The following PCLO variants were observed in gnomAD, a reference collection of about 807,000 sequenced individuals.
PCLO encodes the protein piccolo presynaptic cytomatrix protein, also known as protein piccolo.
In PCLO, 82 loss-of-function variants were observed where a neutral mutation model predicts 427.5. The observed-to-expected ratio is 0.19, with a 90% CI of 0.16 to 0.23. The LOEUF (loss-of-function observed/expected upper bound fraction) is 0.23, where lower values mean the gene tolerates loss of function less well. PCLO is among the 10% of genes least tolerant of loss of function. The pLI, the probability that PCLO is intolerant of heterozygous loss-of-function variation, is 1.00. For missense variants in PCLO, 6,239 were observed against 6,115.9 expected (o/e 1.02, Z -0.67); for synonymous variants, 2,357 against 2,155.4 (o/e 1.09, Z -2.59).
chr7:82,964,763 C>T (rs778662774), intron 4 of PCLO, among the ~76,000 whole-genome samples: 46 of 152,088 alleles, frequency 3.0e-4, no homozygotes, highest in Non-Finnish European at 4.9e-4. Context: ...TATATATAGG[C>T]ATCTTTTTGA....
chr7:82,960,389 C>T (rs1460261288), intron 4 of PCLO, among the ~76,000 whole-genome samples: 1 of 152,074 alleles, frequency 6.6e-6, no homozygotes, highest in Non-Finnish European at 1.5e-5. Context: ...TATTTTTCAT[C>T]GTTTCTGATT....
chr7:83,134,427 T>G lies in PCLO; in HGVS notation c.3123A>C (p.Gln1041His). 6.2e-7 allele frequency: 1 copy of G among 1,613,884 alleles called. No individual in the cohort carries two copies. The highest frequency in any genetic ancestry group is 8.5e-7 in the Non-Finnish European group (1 of 1,179,854). ...CCAGTTTTGTGGGAAGGACAGCCTT[T>G]TGAGGCTCAGCTGTTAAAGATTTGC... ...KDSKSLTAEP[Q>H]KAVLPTKLEK... The change falls in exon 3 of 25, where the codon CAA (glutamine) becomes CAC (histidine). Residue 1041 changes from glutamine to histidine, a missense_variant. Transcript: ENST00000333891.
intron 3 of PCLO, among the ~76,000 whole-genome samples, chr7:83,085,562 C>T (rs912905547): frequency 2.0e-5 from 3 of 152,004 alleles, no homozygotes; most frequent in African/African-American, 7.2e-5. Context: ...ATTTTGTGTT[C>T]GTATTTCGGA....
chr7:82,988,143 T>C (rs11768755), intron 3 of PCLO, among the ~76,000 whole-genome samples: 114,264 of 151,912 alleles, frequency 0.75, 43,538 homozygotes, highest in East Asian at 0.92. Flanking sequence ...GCTTCTGAAG[T>C]AGATGGGACT....
intron 2 of PCLO, among the ~76,000 whole-genome samples, chr7:83,148,491 G>C (rs540807077): frequency 1.5e-4 from 23 of 152,216 alleles, no homozygotes; most frequent in African/African-American, 5.1e-4. Context: ...CCTGAAGTAT[G>C]GTAGATGTTA....
intron 3 of PCLO, among the ~76,000 whole-genome samples, chr7:83,112,320 T>C (rs1178657123): frequency 1.3e-5 from 2 of 152,130 alleles, no homozygotes; most frequent in Non-Finnish European, 2.9e-5. Context: ...TCTCCCAAAG[T>C]GTTGGGATTA....
rs1795521241 is a variant in PCLO, at chr7:82,956,406, C to T, written c.4547G>A (p.Ser1516Asn). ...AACAGGTGAGTTTTCACTTTCACTACTCTCTTCAACTGAATCATAAGGCTC... is the reference window on the plus strand; with the variant it reads ...AACAGGTGAGTTTTCACTTTCACTATTCTCTTCAACTGAATCATAAGGCTC... ...RREPYDSVEE[S>N]SESENSPVPQ... Residue 1516 changes from serine (S) to asparagine (N), a missense_variant, in exon 5 of 25, where the codon AGT becomes AAT. Transcript: ENST00000333891. The T allele has an allele frequency of 2.5e-6, 4 of 1,613,576 alleles. No individual in the cohort carries two copies. The highest frequency in any genetic ancestry group is 1.3e-5 in the African/African-American group (1 of 74,920).
Position 82,879,362 on chromosome 7 carries a change from C to G in PCLO, c.13629G>C (p.Ala4543=). 2 of 1,612,250 alleles carry G rather than the reference C, an allele frequency of 1.2e-6. No individual in the cohort carries two copies. Among genetic ancestry groups the G allele is most frequent in the Non-Finnish European group, 8.5e-7 (1 of 1,178,898 alleles). Residue 4543 remains alanine (A), a synonymous_variant, in exon 10 of 25, where the codon GCG becomes GCC. Coordinates refer to ENST00000333891, the MANE Select transcript of PCLO (RefSeq NM_033026.6). ...YIAKILPGGS[A]EQTGKLMEGM... is the part of the protein sequence containing the mutation. ...CTTCCATAAGCTTCCCCGTCTGTTC[C>G]GCACTTCCCCCAGGAAGAATCTTGG...
At chr7:83,077,193 A>C (rs1436441846) in intron 3 of PCLO, among the ~76,000 whole-genome samples, 12 of 152,146 alleles carry the variant, frequency 7.9e-5, no homozygotes, top group Non-Finnish European at 5.9e-5. Context: ...TTGCTACCTC[A>C]TGAAAGAGTC....
At chr7:82,933,422 AGGAATT>A (rs1794883043) in intron 6 of PCLO, among the ~76,000 whole-genome samples, 1 of 151,986 alleles carries the variant, frequency 6.6e-6, no homozygotes, top group Admixed American at 6.6e-5. Context: ...CAGAAAAAAT[AGGAATT>A]TGAGAAAACA....
At chr7:82,957,476 G>C (rs1427646661) in intron 4 of PCLO, among the ~76,000 whole-genome samples, 3 of 152,008 alleles carry the variant, frequency 2.0e-5, no homozygotes, top group Non-Finnish European at 4.4e-5. Flanking sequence ...AAATAATTTT[G>C]TTATCATTCT....
intron 3 of PCLO, among the ~76,000 whole-genome samples, chr7:83,014,174 G>C (rs1012283271): frequency 6.6e-6 from 1 of 152,074 alleles, no homozygotes; most frequent in African/African-American, 2.4e-5. Flanking sequence ...AAAGGCAAGA[G>C]ACACACTTGA....
At position 83,155,778 on chromosome 7, in the gene PCLO, A is replaced by G. The variant is rs1237855795; in HGVS notation, c.863T>C (p.Ile288Thr). Residue 288 changes from isoleucine (I) to threonine (T), a missense_variant, in exon 2 of 25, where the codon ATA becomes ACA. Ile to Thr is a moderately conservative substitution (Grantham distance 89, BLOSUM62 -1). Transcript: ENST00000333891. ...GGGTTTAACTGATTCTCCCCTTACT[A>G]TGTCTGCCTGTTTAGTCTGAGGCCT... ...ASRPQTKQAD[I>T]VRGESVKPSL... 1.2e-6 allele frequency: 2 copies of G among 1,613,858 alleles called. No individual in the cohort carries two copies. The highest frequency in any genetic ancestry group is 1.7e-5 in the Admixed American group (1 of 60,004).
chr7:82,803,078 T>G (rs962350852), intron 21 of PCLO, among the ~76,000 whole-genome samples: 7 of 152,078 alleles, frequency 4.6e-5, no homozygotes, highest in Non-Finnish European at 1.0e-4. Flanking sequence ...CATACATATT[T>G]AAGTAACACA....
chr7:83,017,876 T>C (rs950717598), intron 3 of PCLO: 10 of 152,024 alleles, frequency 6.6e-5, no homozygotes, highest in Admixed American at 3.3e-4. Flanking sequence ...AGAAAGAAGT[T>C]AAAATAAAAA....
chr7:82,823,295 A>T (rs931545329), intron 19 of PCLO, among the ~76,000 whole-genome samples: 4 of 152,196 alleles, frequency 2.6e-5, no homozygotes, highest in Non-Finnish European at 5.9e-5. Context: ...ATATCAACTC[A>T]GTGGCCTACT....
chr7:82,989,890 C>T (rs1289101301), intron 3 of PCLO, among the ~76,000 whole-genome samples: 1 of 152,088 alleles, frequency 6.6e-6, no homozygotes, highest in African/African-American at 2.4e-5. Context: ...AAACCTCAAA[C>T]CATTAAGGAG....
At chr7:82,795,437 T>C (rs1182279080) in intron 22 of PCLO, among the ~76,000 whole-genome samples, 2 of 152,198 alleles carry the variant, frequency 1.3e-5, no homozygotes, top group Non-Finnish European at 2.9e-5. Flanking sequence ...GTTGATTGCC[T>C]ATCATCATTA....
chr7:82,954,509 A>G lies in PCLO; in HGVS notation c.6444T>C (p.Asp2148=), dbSNP rs751918040. The part of the protein sequence containing the change: ...TEEIEDEYVT[D]YTREIQEIIA... ...TTATCTCTTGAATTTCTCTTGTATA[A>G]TCGGTTACATATTCATCCTCAATTT... The change falls in exon 5 of 25, where the codon GAT becomes GAC. Residue 2148 remains aspartate, a synonymous_variant. Transcript: ENST00000333891. 2 of 1,613,824 alleles carry G rather than the reference A, an allele frequency of 1.2e-6. No individual in the cohort carries two copies. Among genetic ancestry groups the G allele is most frequent in the Admixed American group, 1.7e-5 (1 of 59,998 alleles).
Sources: allele counts gnomAD v4.1 joint callset (sites outside exome capture counted in the v4.1 genomes callset), GRCh38; gene constraint gnomAD v4.1.1; transcripts MANE v1.5; gene names NCBI Gene and HGNC (gene_info 2026-07-23, HGNC 2026-07-21).